SEMA5B: variants seen among roughly 807,000 people sequenced by gnomAD.
SEMA5B encodes the protein semaphorin 5B.
A neutral mutation model predicts 135.0 loss-of-function variants in SEMA5B; 66 were observed. That is an observed-to-expected ratio of 0.49 (90% CI 0.40 to 0.60). SEMA5B has a LOEUF of 0.60. Ranked by LOEUF, SEMA5B falls within the 20% of genes least tolerant of loss-of-function variation. The pLI is 0.00. For synonymous variants in SEMA5B, 690 were observed against 639.5 expected (o/e 1.08, Z -1.19); for missense variants, 1,501 against 1,566.3 (o/e 0.96, Z 0.70).
At chr3:123,001,440 A>G (rs770527038) in intron 1 of SEMA5B, among the ~76,000 whole-genome samples, 3 of 152,124 alleles carry the variant, frequency 2.0e-5, no homozygotes, top group Non-Finnish European at 4.4e-5. Context: ...ATTCACAAAG[A>G]GCTGCAGCCG....
At chr3:122,925,098 C>G (rs1336716029) in intron 9 of SEMA5B, among the ~76,000 whole-genome samples, 1 of 152,152 alleles carries the variant, frequency 6.6e-6, no homozygotes, top group Non-Finnish European at 1.5e-5. Context: ...TTCGGTCCAC[C>G]CCCTCACACT....
At chr3:123,019,175 T>A (rs1246328353) in intron 1 of SEMA5B, among the ~76,000 whole-genome samples, 2 of 152,212 alleles carry the variant, frequency 1.3e-5, no homozygotes, top group Non-Finnish European at 2.9e-5. Flanking sequence ...GAGAAAAGCC[T>A]ATGTAGTGGT....
In SEMA5B at chr3:122,910,976, G is replaced by T. The variant is rs752100431; in HGVS notation, c.3161C>A (p.Ala1054Glu). 6.2e-7 allele frequency: 1 copy of T among 1,613,990 alleles called. No individual in the cohort carries two copies. Among genetic ancestry groups the T allele is most frequent in the Non-Finnish European group, 8.5e-7 (1 of 1,179,992 alleles). ...GCAGTGCTGGCAAGACAGGTACACT[G>T]CTAGGGTCAGGAGCCCAGAGCCCAA... ...CFLGSGLLTL[A>E]VYLSCQHCQR... The change falls in exon 22 of 23, where the codon GCA becomes GAA. Residue 1054 changes from alanine to glutamate, a missense_variant. By Grantham distance (107) the Ala-to-Glu change is moderately radical. Transcript: ENST00000357599.
chr3:122,925,455 T>G lies in SEMA5B; in HGVS notation c.1136+937A>C, dbSNP rs570557527. On this transcript the variant is annotated intron_variant, in intron 9 of 22. Transcript: ENST00000357599. ...AGGCCAAGGCAGGCAGATCACGAGG[T>G]CAGGAGATTGAGACCATCCTGGCTA... 2.6e-5 allele frequency among the ~76,000 whole-genome samples: 4 copies of G among 151,534 alleles called. No homozygotes were observed. The South Asian group carries it at 8.4e-4, about 32-fold the overall frequency.
At chr3:122,951,877 A>C (rs1425615518) in intron 2 of SEMA5B, among the ~76,000 whole-genome samples, 1 of 152,164 alleles carries the variant, frequency 6.6e-6, no homozygotes, top group Non-Finnish European at 1.5e-5. Flanking sequence ...ACCTTACTCC[A>C]GGTCTGGAAA....
Position 122,939,440 on chromosome 3 carries a change from AT to A in SEMA5B, c.458del (p.Asn153MetfsTer37). The part of the protein sequence containing the change: ...RNYLFRLSLA[N>X]VSLLQATEWA... Reference sequence around the variant, plus strand: ...GCAATCGTACCTGAAGAAGAGAGACATTGGCAAGGCTGAGTCTGAAGAGGTA... The same window carrying A: ...GCAATCGTACCTGAAGAAGAGAGACATGGCAAGGCTGAGTCTGAAGAGGTA... On this transcript the variant is annotated frameshift_variant, in exon 5 of 23. Coordinates refer to ENST00000357599, the MANE Select transcript of SEMA5B (RefSeq NM_001031702.4). LOFTEE classifies it high-confidence loss of function. 6.2e-7 allele frequency: 1 copy of A among 1,612,354 alleles called. No individual in the cohort carries two copies. Among genetic ancestry groups the A allele is most frequent in the South Asian group, 1.1e-5 (1 of 91,042 alleles).
At chr3:122,995,260 C>T (rs937023041) in intron 1 of SEMA5B, among the ~76,000 whole-genome samples, 1 of 152,150 alleles carries the variant, frequency 6.6e-6, no homozygotes, top group Non-Finnish European at 1.5e-5. Flanking sequence ...GGGACCATGG[C>T]AGAGGGTGGC....
chr3:122,936,465 C>T (rs1939291125), intron 5 of SEMA5B, among the ~76,000 whole-genome samples: 1 of 152,160 alleles, frequency 6.6e-6, no homozygotes, highest in Non-Finnish European at 1.5e-5. Context: ...CATGTCTGCC[C>T]AGGCCCGAAC....
At chr3:122,957,740 G>T (rs1940394693) in intron 2 of SEMA5B, among the ~76,000 whole-genome samples, 1 of 152,226 alleles carries the variant, frequency 6.6e-6, no homozygotes, top group Non-Finnish European at 1.5e-5. Flanking sequence ...ACTTGCCCAA[G>T]GTCCCCCTGC....
At chr3:122,910,378 C>A in intron 22 of SEMA5B, 77 bp from the exon 23 acceptor site, 1 of 1,483,456 alleles carries the variant, frequency 6.7e-7, no homozygotes, top group Admixed American at 1.8e-5. Flanking sequence ...GCAAGGAGTC[C>A]AGAAGCCAGC....
At chr3:122,926,307 A>G in intron 9 of SEMA5B, 85 bp downstream of exon 9, 1 of 1,351,670 alleles carries the variant, frequency 7.4e-7, no homozygotes, top group Non-Finnish European at 1.0e-6. Context: ...GGCAGTCCCC[A>G]TTTTATAGAT....
At position 122,923,739 on chromosome 3, in the gene SEMA5B, C is replaced by T; in HGVS notation, c.1150G>A (p.Ala384Thr). Residue 384 changes from alanine to threonine, a missense_variant, in exon 10 of 23, where the codon GCT becomes ACT. Ala to Thr is a moderately conservative substitution (Grantham distance 58, BLOSUM62 0). This residue lies in a region of SEMA5B where 574 missense variants were observed against 684.7 expected (regional missense o/e 0.84). Transcript: ENST00000357599. ...VFTTNVNSIA[A>T]SAVCAFNLSA... ...AGGTTGAAGGCGCAGACAGCAGAAGCCGCGATGCTGTTTCTGAAAGGCAAG... is the reference window on the plus strand; with the variant it reads ...AGGTTGAAGGCGCAGACAGCAGAAGTCGCGATGCTGTTTCTGAAAGGCAAG... 3.1e-6 allele frequency: 5 copies of T among 1,614,096 alleles called. No homozygotes were observed. The highest frequency in any genetic ancestry group is 1.7e-5 in the Admixed American group (1 of 60,022).
intron 1 of SEMA5B, among the ~76,000 whole-genome samples, chr3:122,998,338 G>C (rs537659591): frequency 6.6e-6 from 1 of 151,256 alleles, no homozygotes; most frequent in Non-Finnish European, 1.5e-5. Context: ...CGGAAAGGAC[G>C]GGGCTTTGGG....
chr3:122,954,486 T>C (rs1007742217), intron 2 of SEMA5B, among the ~76,000 whole-genome samples: 2 of 152,226 alleles, frequency 1.3e-5, no homozygotes, highest in South Asian at 2.1e-4. Context: ...CCTTCCTCCT[T>C]TCTAAAGGAG....
rs1367271652 is a variant in SEMA5B at position 122,928,533 on chromosome 3, A to T, written c.620T>A (p.Met207Lys). 1 of 1,562,870 alleles carries T rather than the reference A, an allele frequency of 6.4e-7. No homozygotes were observed. Among genetic ancestry groups the T allele is most frequent in the South Asian group, 1.2e-5 (1 of 84,710 alleles). ...GGTGCCCACCTGTCTGCTGGTGCACATGGGGGAAAAGGCATTGGTTCCACA... is the reference window on the plus strand; with the variant it reads ...GGTGCCCACCTGTCTGCTGGTGCACTTGGGGGAAAAGGCATTGGTTCCACA... ...FMCGTNAFSP[M>K]CTSRQVGNLS... The change falls in exon 7 of 23, where the codon ATG becomes AAG. Residue 207 changes from methionine (M) to lysine (K), a missense_variant. Coordinates refer to ENST00000357599, the MANE Select transcript of SEMA5B (RefSeq NM_001031702.4).
At chr3:122,923,437 C>G (rs1291483240) in intron 10 of SEMA5B, among the ~76,000 whole-genome samples, 180 bp downstream of exon 10, 1 of 152,208 alleles carries the variant, frequency 6.6e-6, no homozygotes, top group African/African-American at 2.4e-5. Flanking sequence ...CACCCACTCT[C>G]CCTCACAGTT....
chr3:122,949,945 A>G (rs1365295838), intron 2 of SEMA5B, among the ~76,000 whole-genome samples: 1 of 152,178 alleles, frequency 6.6e-6, no homozygotes, highest in Non-Finnish European at 1.5e-5. Context: ...GCTGCTTTGA[A>G]TAATGATAAA....
At chr3:122,993,942 C>T (rs1019479911) in intron 1 of SEMA5B, among the ~76,000 whole-genome samples, 2 of 152,002 alleles carry the variant, frequency 1.3e-5, no homozygotes, top group African/African-American at 2.4e-5. Flanking sequence ...GGTCATTGGC[C>T]CCCCCACCTC....
intron 1 of SEMA5B, among the ~76,000 whole-genome samples, chr3:123,026,398 C>G (rs905313122): frequency 2.7e-5 from 4 of 147,044 alleles, no homozygotes; most frequent in African/African-American, 9.9e-5. Context: ...GGCCCACTCC[C>G]GCCTGGCGCG....
Sources: allele counts gnomAD v4.1 joint callset (sites outside exome capture counted in the v4.1 genomes callset), GRCh38; gene constraint gnomAD v4.1.1; regional missense constraint gnomAD v4.1.1; transcripts MANE v1.5; gene names NCBI Gene and HGNC (gene_info 2026-07-23, HGNC 2026-07-21).